CCDC178: variants seen among roughly 807,000 people sequenced by gnomAD.
The protein encoded by CCDC178 is coiled-coil domain-containing protein 178.
In CCDC178, 126 loss-of-function variants were observed where a neutral mutation model predicts 117.4. The ratio of observed to expected loss-of-function variants is 1.07; its 90% CI spans 0.93 to 1.24. The LOEUF (loss-of-function observed/expected upper bound fraction) is 1.24, where lower values mean the gene tolerates loss of function less well. Ranked by LOEUF, CCDC178 falls within the 50% of genes most tolerant of loss-of-function variation. The probability of loss-of-function intolerance (pLI) is 0.00; values close to 1 mark genes in which losing one functional copy is unlikely to be tolerated. For synonymous variants in CCDC178, 283 were observed against 313.4 expected, an observed-to-expected ratio of 0.90 and a Z score of 1.02; for missense variants, 1,030 against 986.9, an observed-to-expected ratio of 1.04 and a Z score of -0.59.
chr18:33,329,947 G>T (rs1404285159), intron 10 of CCDC178, among the ~76,000 whole-genome samples: 1 of 144,086 alleles, frequency 6.9e-6, no homozygotes, highest in Non-Finnish European at 1.5e-5. Context: ...ACTTGGTCCT[G>T]GGCTTTTTTT....
At chr18:33,288,122 T>TA (rs1568118715) in intron 12 of CCDC178, among the ~76,000 whole-genome samples, 1 of 152,140 alleles carries the variant, frequency 6.6e-6, no homozygotes, top group East Asian at 1.9e-4. Flanking sequence ...TGTGAATGGC[T>TA]ACTCTCTACA....
chr18:33,343,858 A>C (rs936883448), intron 9 of CCDC178, among the ~76,000 whole-genome samples: 1 of 152,192 alleles, frequency 6.6e-6, no homozygotes, highest in African/African-American at 2.4e-5. Flanking sequence ...TATACTTTTG[A>C]GAATCTAAAG....
intron 22 of CCDC178, among the ~76,000 whole-genome samples, chr18:32,945,658 A>C (rs2054329893): frequency 6.6e-6 from 1 of 152,184 alleles, no homozygotes; most frequent in African/African-American, 2.4e-5. Context: ...CTAACCAAAT[A>C]AATTATTTGG....
intron 20 of CCDC178, among the ~76,000 whole-genome samples, chr18:33,155,981 C>T (rs2058389201): frequency 6.9e-6 from 1 of 144,858 alleles, no homozygotes; most frequent in African/African-American, 2.6e-5. Flanking sequence ...ATGGTCAGAA[C>T]ATTTCAAGAG....
chr18:33,004,205 A>C (rs949779967), intron 21 of CCDC178, among the ~76,000 whole-genome samples: 15 of 152,274 alleles, frequency 9.9e-5, no homozygotes, highest in African/African-American at 3.6e-4. Flanking sequence ...GAAGAGACCC[A>C]GAATAGTCAG....
chr18:33,117,981 A>T (rs1479817435), intron 20 of CCDC178, among the ~76,000 whole-genome samples: 2 of 152,122 alleles, frequency 1.3e-5, no homozygotes, highest in Non-Finnish European at 2.9e-5. Flanking sequence ...TCCCCAGGGT[A>T]GTCAGGATCA....
At chr18:33,130,692 T>C (rs1406456064) in intron 20 of CCDC178, among the ~76,000 whole-genome samples, 1 of 151,952 alleles carries the variant, frequency 6.6e-6, no homozygotes. Context: ...TGGCTGAGAT[T>C]AATGCAAACA....
intron 21 of CCDC178, among the ~76,000 whole-genome samples, chr18:33,076,229 G>A (rs942149179): frequency 2.0e-5 from 3 of 152,100 alleles, no homozygotes; most frequent in Non-Finnish European, 2.9e-5. Flanking sequence ...GCTCAGTCCC[G>A]ACAATCACTT....
chr18:33,391,521 G>C (rs963978754), intron 4 of CCDC178, among the ~76,000 whole-genome samples: 2 of 151,942 alleles, frequency 1.3e-5, no homozygotes, highest in East Asian at 3.9e-4. Flanking sequence ...AGCAAAAGTA[G>C]GTATGTTAGA....
chr18:33,318,274 T>A (rs960063062), intron 11 of CCDC178, among the ~76,000 whole-genome samples: 2 of 152,164 alleles, frequency 1.3e-5, no homozygotes, highest in African/African-American at 4.8e-5. Context: ...AAAGATCCCA[T>A]CTTCTGGGTG....
chr18:33,378,332 T>C (rs2063391480), intron 5 of CCDC178, among the ~76,000 whole-genome samples: 1 of 152,206 alleles, frequency 6.6e-6, no homozygotes, highest in Admixed American at 6.5e-5. Context: ...TCTAGAAGCC[T>C]TTTGGTAGGG....
At chr18:33,393,193 A>T (rs965789129) in intron 4 of CCDC178, among the ~76,000 whole-genome samples, 1 of 151,958 alleles carries the variant, frequency 6.6e-6, no homozygotes, top group African/African-American at 2.4e-5. Context: ...AGAATATTTC[A>T]TATGTATGCC....
At chr18:33,406,646 T>C (rs889925516) in intron 3 of CCDC178, among the ~76,000 whole-genome samples, 1 of 152,140 alleles carries the variant, frequency 6.6e-6, no homozygotes, top group Non-Finnish European at 1.5e-5. Context: ...AGGATGATCT[T>C]ATAGATATTA....
At chr18:33,097,560 G>T (rs974864721) in intron 20 of CCDC178, among the ~76,000 whole-genome samples, 2 of 152,084 alleles carry the variant, frequency 1.3e-5, no homozygotes, top group African/African-American at 4.8e-5. Context: ...CAGCTATTAG[G>T]CAGTGAAGCT....
intron 22 of CCDC178, among the ~76,000 whole-genome samples, chr18:32,953,227 C>A (rs1453542003): frequency 6.6e-6 from 1 of 152,218 alleles, no homozygotes; most frequent in Admixed American, 6.5e-5. Context: ...TAACGCATAA[C>A]AAGAGCGACC....
intron 21 of CCDC178, among the ~76,000 whole-genome samples, chr18:32,992,050 T>A (rs1352287054): frequency 6.6e-6 from 1 of 152,228 alleles, no homozygotes; most frequent in Admixed American, 6.5e-5. Flanking sequence ...TGTAGAAACT[T>A]GGTCATAGTC....
chr18:33,197,706 A>T (rs2058947799), intron 20 of CCDC178, among the ~76,000 whole-genome samples: 1 of 152,130 alleles, frequency 6.6e-6, no homozygotes, highest in South Asian at 2.1e-4. Context: ...AGGATCCTTT[A>T]TCTTAAAGTT....
chr18:33,386,509 A>G (rs756472166), intron 5 of CCDC178, among the ~76,000 whole-genome samples: 25 of 152,224 alleles, frequency 1.6e-4, no homozygotes, highest in Non-Finnish European at 2.5e-4. Flanking sequence ...GCAGCACATC[A>G]AAAAGCTTAC....
intron 20 of CCDC178, among the ~76,000 whole-genome samples, chr18:33,139,776 G>A (rs999323378): frequency 1.3e-4 from 20 of 152,200 alleles, no homozygotes; most frequent in African/African-American, 4.3e-4. Context: ...CATTTTCTGA[G>A]GAGAATTTCA....
Sources: gnomAD v4.1 joint callset for allele counts (sites outside exome capture counted in the v4.1 genomes callset) on GRCh38, gnomAD v4.1.1 for gene constraint, MANE v1.5 for transcripts, NCBI Gene and HGNC (gene_info 2026-07-23, HGNC 2026-07-21) for gene names.